The following FEZ1 variants were observed in gnomAD, a reference collection of about 807,000 sequenced individuals.
FEZ1 encodes the protein fasciculation and elongation protein zeta 1.
FEZ1 carries 20 observed loss-of-function variants against 49.3 expected under a neutral mutation model. The ratio of observed to expected loss-of-function variants is 0.41; its 90% confidence interval spans 0.29 to 0.59. The LOEUF (loss-of-function observed/expected upper bound fraction) is 0.59. FEZ1 is among the 20% of genes least tolerant of loss of function. The pLI is 0.36. For missense variants in FEZ1, 413 were observed against 476.0 expected, an observed-to-expected ratio of 0.87 and a Z score of 1.23; for synonymous variants, 170 against 180.9, an observed-to-expected ratio of 0.94 and a Z score of 0.48.
intron 2 of FEZ1, among the ~76,000 whole-genome samples, chr11:125,484,637 C>T (rs979808629): frequency 1.3e-5 from 2 of 148,194 alleles, no homozygotes; most frequent in African/African-American, 5.0e-5. Context: ...CATTGCACTC[C>T]ATCCTGGGCA....
At chr11:125,482,267 G>A (rs1264632464) in intron 2 of FEZ1, among the ~76,000 whole-genome samples, 1 of 152,144 alleles carries the variant, frequency 6.6e-6, no homozygotes, top group Non-Finnish European at 1.5e-5. Context: ...CGAACCCACG[G>A]GTTGCAAGAT....
intron 4 of FEZ1, among the ~76,000 whole-genome samples, chr11:125,461,276 A>G (rs1957071908): frequency 6.6e-6 from 1 of 152,194 alleles, no homozygotes; most frequent in African/African-American, 2.4e-5. Context: ...AGCTCCCAGA[A>G]GTGGAGGGAA....
At position 125,495,467 on chromosome 11, in the gene FEZ1, C is replaced by A. The variant is rs1957452118; in HGVS notation, c.-46+654G>T. Reference sequence around the variant, plus strand: ...GACGGCAGCGCGCCCCGCCACCGCGCAGCCGCCCCGGTCCCTTCTCCCGCC... The same window carrying A: ...GACGGCAGCGCGCCCCGCCACCGCGAAGCCGCCCCGGTCCCTTCTCCCGCC... On this transcript the variant is annotated intron_variant, in intron 1 of 9. Coordinates refer to ENST00000278919, the MANE Select transcript of FEZ1 (RefSeq NM_005103.5). This position sits in a 1 kb window ranked among gnomAD's most constrained non-coding sequence, Gnocchi z 4.2. 2.1e-6 allele frequency: 1 copy of A among 470,416 alleles called. No homozygotes were observed. Among genetic ancestry groups the A allele is most frequent in the Non-Finnish European group, 4.4e-6 (1 of 226,696 alleles). 29.1% of individuals were successfully genotyped at this position (470,416 alleles called of 1,614,324 possible). A position where few individuals can be genotyped will look rare whatever the true frequency, so the allele number is the denominator to read the frequency against.
Position 125,452,412 on chromosome 11 carries a change from G to A in FEZ1, c.1021-3C>T. On this transcript the variant is annotated splice_region_variant and splice_polypyrimidine_tract_variant and intron_variant, in intron 7 of 9. Coordinates refer to ENST00000278919, the MANE Select transcript of FEZ1 (RefSeq NM_005103.5). Reference sequence around the variant, plus strand: ...TAAGGAATGACTGTGTTCAGATACTGCAAGACAAACAGCATGCAGGGGGCT... The same window carrying A: ...TAAGGAATGACTGTGTTCAGATACTACAAGACAAACAGCATGCAGGGGGCT... The A allele has an allele frequency of 5.6e-6, 9 of 1,607,850 alleles. No homozygotes were observed. Among genetic ancestry groups the A allele is most frequent in the Non-Finnish European group, 7.7e-6 (9 of 1,174,290 alleles).
In FEZ1 at chr11:125,452,338, T is replaced by G; in HGVS notation, c.1092A>C (p.Thr364=). The G allele has an allele frequency of 1.2e-6, 2 of 1,605,552 alleles. No homozygotes were observed. The highest frequency in any genetic ancestry group is 1.7e-6 in the Non-Finnish European group (2 of 1,172,058). ...CTGAGAACAAGAGGAACTCACTGTT[T>G]GTCAGCATCTGCAGGTCTTCCACTG... ...PPSVEDLQML[T]NILFAMKEDN... is the part of the protein sequence containing the mutation. The change falls in exon 8 of 10, where the codon ACA becomes ACC. Residue 364 remains threonine (T), a synonymous_variant. Coordinates refer to ENST00000278919, the MANE Select transcript of FEZ1 (RefSeq NM_005103.5).
Position 125,489,267 on chromosome 11 carries a change from T to C in FEZ1, c.311+200A>G. On this transcript the variant is annotated intron_variant, in intron 2 of 9. Coordinates refer to ENST00000278919, the MANE Select transcript of FEZ1 (RefSeq NM_005103.5). This position sits in a 1 kb window ranked among gnomAD's most constrained non-coding sequence, Gnocchi z 4.2. ...AACCTTCATTCCTCTAAGGTTTCAA[T>C]TTAAGAAAGTTCTCCTCAGGGGACT... 1 of 1,221,070 alleles carries C rather than the reference T, an allele frequency of 8.2e-7. No individual in the cohort carries two copies. The highest frequency in any genetic ancestry group is 3.2e-4 in the Middle Eastern group (1 of 3,104). 75.6% of individuals were successfully genotyped at this position (1,221,070 alleles called of 1,614,324 possible).
At chr11:125,460,347 G>A (rs954228692) in intron 5 of FEZ1, 151 bp downstream of exon 5, 6 of 566,116 alleles carry the variant, frequency 1.1e-5, no homozygotes, top group African/African-American at 1.9e-5. Flanking sequence ...TCCTGATGCC[G>A]AGTAAGAAAG....
intron 5 of FEZ1, among the ~76,000 whole-genome samples, chr11:125,457,450 A>G (rs1315997708): frequency 1.0e-4 from 8 of 78,372 alleles, no homozygotes; most frequent in South Asian, 4.8e-4. Context: ...ATATATATAT[A>G]TGTATATATA....
chr11:125,448,610 C>A, intron 8 of FEZ1, 43 bp from the exon 9 acceptor site: 2 of 1,316,504 alleles, frequency 1.5e-6, no homozygotes, highest in South Asian at 2.4e-5. Context: ...ACCATCTGGT[C>A]AGAGGTTCAC....
chr11:125,476,213 CA>C (rs1410801882), intron 3 of FEZ1, among the ~76,000 whole-genome samples: 4 of 152,132 alleles, frequency 2.6e-5, no homozygotes, highest in African/African-American at 9.7e-5. Flanking sequence ...CAGATATATG[CA>C]GATGTCAAAA....
intron 3 of FEZ1, among the ~76,000 whole-genome samples, chr11:125,465,599 T>C (rs1239203006): frequency 6.6e-6 from 1 of 152,220 alleles, no homozygotes; most frequent in Non-Finnish European, 1.5e-5. Flanking sequence ...ATGGGAACCA[T>C]ACTCATCCCT....
intron 5 of FEZ1, among the ~76,000 whole-genome samples, chr11:125,459,356 C>A (rs1038666575): frequency 6.6e-6 from 1 of 152,034 alleles, no homozygotes; most frequent in African/African-American, 2.4e-5. Flanking sequence ...CTTTGGGAGA[C>A]CGAGGCAGGC....
chr11:125,493,581 G>T (rs911900679), intron 1 of FEZ1, among the ~76,000 whole-genome samples: 1 of 152,086 alleles, frequency 6.6e-6, no homozygotes, highest in African/African-American at 2.4e-5. Context: ...TCAAGTAAAA[G>T]AAAAATTATC....
intron 1 of FEZ1, among the ~76,000 whole-genome samples, chr11:125,494,953 G>A (rs547112069): frequency 5.3e-5 from 8 of 152,184 alleles, no homozygotes; most frequent in Admixed American, 4.6e-4. Flanking sequence ...AACTGATTCC[G>A]TGCCTCGTCC....
intron 8 of FEZ1, among the ~76,000 whole-genome samples, chr11:125,450,146 G>A (rs1432204674): frequency 6.6e-6 from 1 of 151,822 alleles, no homozygotes; most frequent in African/African-American, 2.4e-5. Context: ...TCCTGCCTCA[G>A]CCTCCCAAGT....
chr11:125,463,724 A>G (rs545614665), intron 3 of FEZ1, among the ~76,000 whole-genome samples, 154 bp from the exon 4 acceptor site: 8 of 133,112 alleles, frequency 6.0e-5, no homozygotes, highest in African/African-American at 1.6e-4. Flanking sequence ...GTTTCATCCA[A>G]TTCCAAACAT....
intron 5 of FEZ1, chr11:125,456,407 T>C: frequency 2.9e-6 from 1 of 349,680 alleles, no homozygotes; most frequent in Non-Finnish European, 5.1e-6. Context: ...TTCTATTTTC[T>C]ATCTGTGTCC....
At chr11:125,479,055 G>A (rs909062953) in intron 3 of FEZ1, among the ~76,000 whole-genome samples, 1 of 152,170 alleles carries the variant, frequency 6.6e-6, no homozygotes, top group Non-Finnish European at 1.5e-5. Context: ...AACATGCACA[G>A]CCGAGAGTTC....
At chr11:125,488,462 C>T (rs894988107) in intron 2 of FEZ1, among the ~76,000 whole-genome samples, 1 of 152,162 alleles carries the variant, frequency 6.6e-6, no homozygotes, top group African/African-American at 2.4e-5. Context: ...GGGCAAATCA[C>T]CAGGTCAGGA....
Sources: allele counts gnomAD v4.1 joint callset (sites outside exome capture counted in the v4.1 genomes callset), GRCh38; gene constraint gnomAD v4.1.1; non-coding constraint Gnocchi (gnomAD v3.1); transcripts MANE v1.5; gene names NCBI Gene and HGNC (gene_info 2026-07-23, HGNC 2026-07-21).